The following MSRA variants were observed in gnomAD, a reference collection of about 807,000 sequenced individuals.
MSRA encodes methionine sulfoxide reductase A, also known as mitochondrial peptide methionine sulfoxide reductase.
In MSRA, 54 loss-of-function variants were observed where a neutral mutation model predicts 31.3. The ratio of observed to expected loss-of-function variants is 1.73; its 90% CI spans 1.39 to 2.17. The LOEUF is 2.17. MSRA is among the 30% of genes most tolerant of loss of function. The probability of loss-of-function intolerance (pLI) is 0.00; values close to 1 mark genes in which losing one functional copy is unlikely to be tolerated. For synonymous variants in MSRA, 169 were observed against 116.5 expected, an observed-to-expected ratio of 1.45 and a Z score of -2.90; for missense variants, 507 against 300.9, an observed-to-expected ratio of 1.69 and a Z score of -5.07.
intron 1 of MSRA, among the ~76,000 whole-genome samples, chr8:10,080,424 C>T (rs191184797): frequency 6.6e-6 from 1 of 151,790 alleles, no homozygotes; most frequent in East Asian, 1.9e-4. Flanking sequence ...GAGAACCGTG[C>T]TGTGGTTTCC....
At chr8:10,426,073 G>T (rs890574091) in intron 5 of MSRA, among the ~76,000 whole-genome samples, 1 of 152,188 alleles carries the variant, frequency 6.6e-6, no homozygotes, top group Non-Finnish European at 1.5e-5. Flanking sequence ...TCAGTGGGCA[G>T]CCTCTTCACA....
At chr8:10,057,777 C>T (rs181110085) in intron 1 of MSRA, among the ~76,000 whole-genome samples, 12 of 152,298 alleles carry the variant, frequency 7.9e-5, no homozygotes, top group African/African-American at 2.6e-4. Flanking sequence ...CCTCTTCTGC[C>T]ATGATTGTAA....
intron 1 of MSRA, among the ~76,000 whole-genome samples, chr8:10,083,625 ATTTGTT>A (rs1798400932): frequency 6.6e-6 from 1 of 152,198 alleles, no homozygotes; most frequent in East Asian, 1.9e-4. Flanking sequence ...GTTCCAGATC[ATTTGTT>A]TTTAAGTTTT....
intron 5 of MSRA, among the ~76,000 whole-genome samples, chr8:10,372,245 C>T (rs1805520270): frequency 1.3e-5 from 2 of 152,080 alleles, no homozygotes; most frequent in African/African-American, 2.4e-5. Context: ...GCCATAGGAG[C>T]CAGAGGGGTC....
intron 5 of MSRA, among the ~76,000 whole-genome samples, chr8:10,332,598 G>C (rs1001533939): frequency 6.6e-6 from 1 of 152,152 alleles, no homozygotes; most frequent in Non-Finnish European, 1.5e-5. Context: ...ATTTCTGGGA[G>C]GCAGGCACCC....
chr8:10,248,358 C>T (rs17750548), intron 3 of MSRA, among the ~76,000 whole-genome samples: 1,732 of 152,206 alleles, frequency 0.011, 23 homozygotes, highest in Middle Eastern at 0.037. Flanking sequence ...GGGCAGATGC[C>T]AGAAATATAG....
At chr8:10,229,036 C>T (rs1021541266) in intron 2 of MSRA, among the ~76,000 whole-genome samples, 1 of 152,184 alleles carries the variant, frequency 6.6e-6, no homozygotes, top group African/African-American at 2.4e-5. Flanking sequence ...TTCTCTTTAT[C>T]ATTTCCTTCC....
intron 5 of MSRA, among the ~76,000 whole-genome samples, chr8:10,404,450 C>G (rs936674380): frequency 2.0e-5 from 3 of 152,236 alleles, no homozygotes; most frequent in African/African-American, 7.2e-5. Context: ...TGGGATCCAT[C>G]ACGCCCGCCC....
chr8:10,076,292 C>G (rs138429372), intron 1 of MSRA, among the ~76,000 whole-genome samples: 1 of 152,270 alleles, frequency 6.6e-6, no homozygotes, highest in East Asian at 1.9e-4. Context: ...TACTGTTGCC[C>G]TGTTTTGTAA....
intron 5 of MSRA, among the ~76,000 whole-genome samples, chr8:10,425,194 C>T (rs1478437790): frequency 6.6e-6 from 1 of 152,192 alleles, no homozygotes; most frequent in Non-Finnish European, 1.5e-5. Flanking sequence ...TGCAGATTGA[C>T]GCCACGCTCA....
intron 3 of MSRA, among the ~76,000 whole-genome samples, chr8:10,299,807 G>C (rs1462892189): frequency 2.0e-5 from 3 of 152,158 alleles, no homozygotes; most frequent in African/African-American, 7.2e-5. Context: ...CAACTTTACT[G>C]AAAAGCAGTT....
At chr8:10,247,094 C>A (rs77778926) in intron 3 of MSRA, among the ~76,000 whole-genome samples, 1 of 152,162 alleles carries the variant, frequency 6.6e-6, no homozygotes. Flanking sequence ...TTGCTCGAAC[C>A]CTTTTCAGTT....
At chr8:10,310,583 C>T (rs150501475) in intron 4 of MSRA, among the ~76,000 whole-genome samples, 1 of 152,312 alleles carries the variant, frequency 6.6e-6, no homozygotes, top group African/African-American at 2.4e-5. Context: ...CTGAGCTGTG[C>T]GCAATGCTAA....
chr8:10,166,686 G>A (rs924900500), intron 1 of MSRA, among the ~76,000 whole-genome samples: 3 of 152,156 alleles, frequency 2.0e-5, no homozygotes, highest in African/African-American at 4.8e-5. Flanking sequence ...TATTACCCAA[G>A]CTCACTCATT....
At chr8:10,057,941 T>A (rs1034175519) in intron 1 of MSRA, among the ~76,000 whole-genome samples, 2 of 152,242 alleles carry the variant, frequency 1.3e-5, no homozygotes, top group African/African-American at 4.8e-5. Flanking sequence ...ATGTGGAACT[T>A]GTTTTTGCGT....
At chr8:10,238,159 A>G (rs943028594) in intron 2 of MSRA, among the ~76,000 whole-genome samples, 1 of 152,194 alleles carries the variant, frequency 6.6e-6, no homozygotes, top group African/African-American at 2.4e-5. Flanking sequence ...TAGAAATAGC[A>G]GGCACATTCT....
chr8:10,261,326 G>A (rs535575055), intron 3 of MSRA, among the ~76,000 whole-genome samples: 42 of 151,524 alleles, frequency 2.8e-4, no homozygotes, highest in Middle Eastern at 3.4e-3. Flanking sequence ...GCTAGGGACC[G>A]GATACAGTGG....
At chr8:10,155,696 A>T (rs1453658593) in intron 1 of MSRA, among the ~76,000 whole-genome samples, 1 of 152,210 alleles carries the variant, frequency 6.6e-6, no homozygotes, top group East Asian at 1.9e-4. Context: ...CACTGGTCAA[A>T]CTTGGGATGG....
intron 5 of MSRA, among the ~76,000 whole-genome samples, chr8:10,397,470 G>A (rs999000010): frequency 6.6e-6 from 1 of 152,202 alleles, no homozygotes; most frequent in Non-Finnish European, 1.5e-5. Flanking sequence ...AACGAGTAGA[G>A]CTCTGGGGTA....
Sources: gnomAD v4.1 joint callset for allele counts (sites outside exome capture counted in the v4.1 genomes callset) on GRCh38, gnomAD v4.1.1 for gene constraint, MANE v1.5 for transcripts, NCBI Gene and HGNC (gene_info 2026-07-23, HGNC 2026-07-21) for gene names.